Variants in ZNF107 observed in about 807,000 individuals in gnomAD.
ZNF107 encodes zinc finger protein 107.
ZNF107 carries 19 observed loss-of-function variants against 12.3 expected under a neutral mutation model. The observed-to-expected ratio is 1.55, with a 90% CI of 1.08 to 2.27. ZNF107 has a LOEUF of 2.27. ZNF107 is among the 30% of genes most tolerant of loss of function. The pLI, the probability that ZNF107 is intolerant of heterozygous loss-of-function variation, is 0.00. For missense variants in ZNF107, 958 were observed against 979.9 expected (o/e 0.98, Z 0.30); for synonymous variants, 317 against 330.5 (o/e 0.96, Z 0.44).
chr7:64,691,356 A>G lies in ZNF107; in HGVS notation c.112A>G (p.Arg38Gly), dbSNP rs1310683032. ...TAGGAATGTGTTGTTAGAGAACTACAGAAACCTGGTCTTTTTGGGTGAGGA... is the reference window on the plus strand; with the variant it reads ...TAGGAATGTGTTGTTAGAGAACTACGGAAACCTGGTCTTTTTGGGTGAGGA... ...LYRNVLLENYRNLVFLGIAVS... is the reference protein window; with the variant it reads ...LYRNVLLENYGNLVFLGIAVS... Residue 38 changes from arginine (R) to glycine (G), a missense_variant, in exon 2 of 4, where the codon AGA becomes GGA. By Grantham distance (125) the Arg-to-Gly change is moderately radical. Coordinates refer to ENST00000620827, the MANE Select transcript of ZNF107 (RefSeq NM_001282359.2). The G allele has an allele frequency of 1.6e-5, 24 of 1,503,934 alleles. No individual in the cohort carries two copies. The highest frequency in any genetic ancestry group is 1.9e-5 in the Non-Finnish European group (22 of 1,128,520). 93.2% of individuals were successfully genotyped at this position (1,503,934 alleles called of 1,614,324 possible).
chr7:64,666,739 A>G (rs1789021386), intron 1 of ZNF107, among the ~76,000 whole-genome samples: 1 of 152,204 alleles, frequency 6.6e-6, no homozygotes, highest in African/African-American at 2.4e-5. Context: ...CACCACAAAA[A>G]TGTTAAAGAA....
intron 1 of ZNF107, among the ~76,000 whole-genome samples, chr7:64,676,866 A>G (rs1020192955): frequency 2.0e-5 from 3 of 152,118 alleles, no homozygotes; most frequent in African/African-American, 7.2e-5. Flanking sequence ...ATGTTATCTT[A>G]TGTAAAAATT....
At chr7:64,668,613 ATATT>A (rs1789100624) in intron 1 of ZNF107, among the ~76,000 whole-genome samples, 1 of 152,136 alleles carries the variant, frequency 6.6e-6, no homozygotes, top group African/African-American at 2.4e-5. Context: ...AGTTAAGAAA[ATATT>A]TACAGAGCAT....
chr7:64,676,658 G>A (rs1272592135), intron 1 of ZNF107, among the ~76,000 whole-genome samples: 1 of 152,178 alleles, frequency 6.6e-6, no homozygotes, highest in Non-Finnish European at 1.5e-5. Flanking sequence ...TCCTAAATAA[G>A]ATGGTTAAAA....
intron 1 of ZNF107, among the ~76,000 whole-genome samples, chr7:64,678,323 T>C (rs1405605525): frequency 6.6e-6 from 1 of 152,212 alleles, no homozygotes; most frequent in Non-Finnish European, 1.5e-5. Context: ...AGAAAATGGA[T>C]TATCCAACGT....
rs1394474716 is a variant in ZNF107, at chr7:64,710,606, A to G, written c.*1950A>G. The G allele has an allele frequency of 1.3e-5, 2 of 151,902 alleles. No individual in the cohort carries two copies. Among genetic ancestry groups the G allele is most frequent in the African/African-American group, 2.4e-5 (1 of 41,368 alleles). 9.4% of individuals were successfully genotyped at this position (151,902 alleles called of 1,614,324 possible). A position where few individuals can be genotyped will look rare whatever the true frequency, so the allele number is the denominator to read the frequency against. The stretch of plus-strand genomic sequence containing the variant: ...AGAAGTAGAATTTTTTTGTAGATGT[A>G]TAATTACATTCAAATTATATTTTTT... On this transcript the variant is annotated 3_prime_UTR_variant, in exon 4 of 4. Coordinates refer to ENST00000620827, the MANE Select transcript of ZNF107 (RefSeq NM_001282359.2).
chr7:64,692,931 T>C (rs1446066461), intron 3 of ZNF107, among the ~76,000 whole-genome samples: 1 of 152,094 alleles, frequency 6.6e-6, no homozygotes, highest in African/African-American at 2.4e-5. Context: ...TGTAAGAGTA[T>C]ATGATCTGCA....
chr7:64,699,790 C>G (rs1008866648), intron 3 of ZNF107, among the ~76,000 whole-genome samples: 1 of 152,056 alleles, frequency 6.6e-6, no homozygotes, highest in African/African-American at 2.4e-5. Flanking sequence ...CATTCTCGGC[C>G]GGGCGTGGTG....
At chr7:64,702,896 G>T (rs1790523749) in intron 3 of ZNF107, among the ~76,000 whole-genome samples, 2 of 152,038 alleles carry the variant, frequency 1.3e-5, no homozygotes, top group African/African-American at 4.8e-5. Flanking sequence ...TATATTTTGT[G>T]TTTGAAGTAA....
Position 64,708,363 on chromosome 7 carries a change from ACT to A in ZNF107, c.2267_2268del (p.Thr756ArgfsTer6). On this transcript the variant is annotated frameshift_variant, in exon 4 of 4. Transcript: ENST00000620827. LOFTEE classifies it low-confidence loss of function (END_TRUNC). ...CCTTACTGCACATAAGAAAATTCAT[ACT>A]GGAGAGAAACCCTATAAATGTGAAG... ...STLTAHKKIH[T>X]GEKPYKCEEC... 6.2e-7 allele frequency: 1 copy of A among 1,613,480 alleles called. No individual in the cohort carries two copies. The highest frequency in any genetic ancestry group is 8.5e-7 in the Non-Finnish European group (1 of 1,179,844).
intron 1 of ZNF107, among the ~76,000 whole-genome samples, chr7:64,680,567 T>C (rs962923531): frequency 2.6e-5 from 4 of 152,136 alleles, no homozygotes; most frequent in African/African-American, 4.8e-5. Flanking sequence ...CGTATAAGGC[T>C]GTCAATTATG....
At chr7:64,691,995 A>G in intron 3 of ZNF107, 35 bp downstream of exon 3, 1 of 1,359,698 alleles carries the variant, frequency 7.4e-7, no homozygotes, top group Non-Finnish European at 9.8e-7. Context: ...AACAGATGAC[A>G]AAGATGAAAG....
At chr7:64,691,571 A>G (rs1011934505) in intron 2 of ZNF107, among the ~76,000 whole-genome samples, 197 bp downstream of exon 2, 7 of 152,224 alleles carry the variant, frequency 4.6e-5, no homozygotes, top group Non-Finnish European at 1.0e-4. Flanking sequence ...TTTTCACATT[A>G]GTGAGCTAAT....
At chr7:64,705,486 A>G (rs1790608576) in intron 3 of ZNF107, among the ~76,000 whole-genome samples, 1 of 151,988 alleles carries the variant, frequency 6.6e-6, no homozygotes, top group African/African-American at 2.4e-5. Flanking sequence ...CTTTCTGAAA[A>G]TTTTATAATT....
At chr7:64,698,998 G>T (rs1318042713) in intron 3 of ZNF107, among the ~76,000 whole-genome samples, 3 of 152,058 alleles carry the variant, frequency 2.0e-5, no homozygotes, top group Non-Finnish European at 4.4e-5. Context: ...ATTATATACA[G>T]ATGGGTTCAT....
In ZNF107 at chr7:64,691,297, G is replaced by A; in HGVS notation, c.53G>A (p.Trp18Ter). 6.4e-7 allele frequency: 1 copy of A among 1,555,658 alleles called. No individual in the cohort carries two copies. The stretch of plus-strand genomic sequence containing the variant: ...GCCATAGAATTCTCTCTGGAGGAGT[G>A]GCAATGCCTGGATACTGCACAGCGG... The part of the protein sequence containing the change: ...DVAIEFSLEE[W>*]QCLDTAQRDL... Residue 18 changes from tryptophan (W) to a stop codon, truncating the protein, a stop_gained, in exon 2 of 4, where the codon TGG becomes TAG. Coordinates refer to ENST00000620827, the MANE Select transcript of ZNF107 (RefSeq NM_001282359.2). LOFTEE classifies it high-confidence loss of function.
chr7:64,686,674 C>G, intron 1 of ZNF107: 1 of 980,778 alleles, frequency 1.0e-6, no homozygotes. Flanking sequence ...ACCAGAAAAC[C>G]TGCAACAACC....
At chr7:64,690,552 A>C (rs931805447) in intron 1 of ZNF107, 4 of 978,024 alleles carry the variant, frequency 4.1e-6, no homozygotes, top group African/African-American at 1.8e-5. Context: ...CCTAATTTTT[A>C]AAATTTTTTA....
intron 1 of ZNF107, 138 bp from the exon 2 acceptor site, chr7:64,691,110 G>A: frequency 1.2e-6 from 1 of 838,264 alleles, no homozygotes; most frequent in Non-Finnish European, 1.5e-6. Flanking sequence ...TTGACCTCGT[G>A]ATTTGCCTGC....
Sources: allele counts gnomAD v4.1 joint callset (sites outside exome capture counted in the v4.1 genomes callset), GRCh38; gene constraint gnomAD v4.1.1; transcripts MANE v1.5; gene names NCBI Gene and HGNC (gene_info 2026-07-23, HGNC 2026-07-21).